The following ZBTB20 variants were observed in gnomAD, a reference collection of about 807,000 sequenced individuals.
The protein encoded by ZBTB20 is zinc finger and BTB domain-containing protein 20.
ZBTB20 carries 9 observed loss-of-function variants against 56.9 expected under a neutral mutation model. That is an observed-to-expected ratio of 0.16 (90% confidence interval 0.10 to 0.28). The LOEUF (loss-of-function observed/expected upper bound fraction) is 0.28, where lower values mean the gene tolerates loss of function less well. Ranked by LOEUF, ZBTB20 falls within the 10% of genes least tolerant of loss-of-function variation. The probability of loss-of-function intolerance (pLI) is 1.00; values close to 1 mark genes in which losing one functional copy is unlikely to be tolerated. For missense variants in ZBTB20, 655 were observed against 1,003.0 expected (o/e 0.65, Z 4.69); for synonymous variants, 417 against 420.7 (o/e 0.99, Z 0.11).
At chr3:114,511,268 A>G (rs2045354540) in intron 6 of ZBTB20, among the ~76,000 whole-genome samples, 1 of 152,178 alleles carries the variant, frequency 6.6e-6, no homozygotes. Flanking sequence ...AAATGGAGCC[A>G]GACAAGTTCT....
chr3:115,106,999 T>G (rs2083742315), intron 1 of ZBTB20, among the ~76,000 whole-genome samples: 1 of 152,350 alleles, frequency 6.6e-6, no homozygotes, highest in South Asian at 2.1e-4. Flanking sequence ...AAGGATGATA[T>G]AAACAAGTAA....
chr3:114,832,263 A>G (rs943154330), intron 4 of ZBTB20, among the ~76,000 whole-genome samples: 10 of 152,104 alleles, frequency 6.6e-5, no homozygotes, highest in Non-Finnish European at 1.3e-4. Context: ...ATGGAATACC[A>G]GGTTGATACA....
chr3:114,692,718 A>T (rs2062772620), intron 6 of ZBTB20, among the ~76,000 whole-genome samples: 1 of 152,088 alleles, frequency 6.6e-6, no homozygotes, highest in African/African-American at 2.4e-5. Flanking sequence ...CTTTATCTAT[A>T]CACCCCCAGT....
At chr3:114,464,118 G>A (rs959640552) in intron 7 of ZBTB20, among the ~76,000 whole-genome samples, 2 of 152,032 alleles carry the variant, frequency 1.3e-5, no homozygotes, top group African/African-American at 4.8e-5. Flanking sequence ...CAGTACAGTG[G>A]TTTACAAGTA....
rs149380194 is a variant in ZBTB20 at position 115,124,241 on chromosome 3, A to T, written c.-703+22978T>A. ...GTTAAATTAAGAAATTATGATATCA[A>T]CTTAGAGTCTTAAATATACTGAACT... On this transcript the variant is annotated intron_variant, in intron 1 of 11. Coordinates refer to ENST00000675478, the MANE Select transcript of ZBTB20 (RefSeq NM_001348800.3). Among the ~76,000 whole-genome samples, 417 of 152,324 alleles carry T rather than the reference A, an allele frequency of 2.7e-3. 6 individuals carry two copies. The highest frequency in any genetic ancestry group is 9.5e-3 in the African/African-American group (393 of 41,582).
chr3:114,916,815 T>G (rs1479382674), intron 3 of ZBTB20, among the ~76,000 whole-genome samples: 1 of 152,202 alleles, frequency 6.6e-6, no homozygotes, highest in Non-Finnish European at 1.5e-5. Flanking sequence ...TTAGAATCCT[T>G]TTCCTTATAT....
At chr3:114,574,067 T>C (rs1014605478) in intron 6 of ZBTB20, among the ~76,000 whole-genome samples, 1 of 152,194 alleles carries the variant, frequency 6.6e-6, no homozygotes, top group Non-Finnish European at 1.5e-5. Context: ...TTTTTAGTTG[T>C]GTTATTTTAT....
At chr3:114,469,780 T>A (rs1422739922) in intron 7 of ZBTB20, among the ~76,000 whole-genome samples, 2 of 152,130 alleles carry the variant, frequency 1.3e-5, no homozygotes, top group Non-Finnish European at 2.9e-5. Context: ...ATTCCCTCCC[T>A]CTCTTATCAT....
At chr3:114,796,471 C>T (rs968675233) in intron 5 of ZBTB20, among the ~76,000 whole-genome samples, 8 of 151,948 alleles carry the variant, frequency 5.3e-5, no homozygotes, top group South Asian at 2.1e-4. Flanking sequence ...TGAACAAAGG[C>T]GACATAATCT....
At chr3:114,468,770 C>T (rs748857721) in intron 7 of ZBTB20, among the ~76,000 whole-genome samples, 5 of 151,782 alleles carry the variant, frequency 3.3e-5, no homozygotes, top group East Asian at 1.9e-4. Context: ...ATACCACAAG[C>T]GAGGAAACTT....
At chr3:115,048,799 T>G (rs2081430382) in intron 2 of ZBTB20, among the ~76,000 whole-genome samples, 1 of 152,222 alleles carries the variant, frequency 6.6e-6, no homozygotes, top group Non-Finnish European at 1.5e-5. Flanking sequence ...ATTGAGCATT[T>G]ATTTAGCACT....
chr3:114,370,538 T>A (rs2082883767), intron 10 of ZBTB20, among the ~76,000 whole-genome samples: 1 of 152,192 alleles, frequency 6.6e-6, no homozygotes, highest in African/African-American at 2.4e-5. Context: ...TTTTCTCCTA[T>A]CCCTTAGAAC....
At chr3:114,764,247 CTCTCTT>C (rs1411786134) in intron 5 of ZBTB20, among the ~76,000 whole-genome samples, 4 of 91,846 alleles carry the variant, frequency 4.4e-5, no homozygotes, top group African/African-American at 1.6e-4. Context: ...CTCTCTCTCT[CTCTCTT>C]TTTTTTTTTT....
chr3:114,449,291 G>C (rs1222857920), intron 7 of ZBTB20, among the ~76,000 whole-genome samples: 1 of 152,084 alleles, frequency 6.6e-6, no homozygotes, highest in Non-Finnish European at 1.5e-5. Flanking sequence ...ATAACTATGA[G>C]AAATTTCACC....
chr3:114,865,558 A>T (rs1204620317), intron 4 of ZBTB20, among the ~76,000 whole-genome samples: 1 of 152,118 alleles, frequency 6.6e-6, no homozygotes, highest in Non-Finnish European at 1.5e-5. Flanking sequence ...TTTGAACTTC[A>T]TTTTGAAGAC....
At chr3:114,714,603 T>G (rs962203143) in intron 5 of ZBTB20, among the ~76,000 whole-genome samples, 1 of 151,924 alleles carries the variant, frequency 6.6e-6, no homozygotes, top group African/African-American at 2.4e-5. Context: ...TTCTTCTTCA[T>G]CATCTTCTTT....
intron 6 of ZBTB20, among the ~76,000 whole-genome samples, chr3:114,588,838 A>C (rs958594957): frequency 6.6e-6 from 1 of 152,178 alleles, no homozygotes; most frequent in Non-Finnish European, 1.5e-5. Context: ...TGCTATGAAG[A>C]AATACCCAAG....
rs74422444 is a variant in ZBTB20 at position 114,469,631 on chromosome 3, A to T, written c.-255+30721T>A. On this transcript the variant is annotated intron_variant, in intron 7 of 11. Coordinates refer to ENST00000675478, the MANE Select transcript of ZBTB20 (RefSeq NM_001348800.3). ...CAGATTTTGGTTTTTAAATCTGTAG[A>T]ACACAATGTTTCCCTGGGCTGAGTT... is the stretch of plus-strand genomic sequence containing the variant. Among the ~76,000 whole-genome samples, 215 of 151,082 alleles carry T rather than the reference A, an allele frequency of 1.4e-3. No homozygotes were observed. In the East Asian group the frequency reaches 0.019, roughly 14 times the overall value.
intron 6 of ZBTB20, among the ~76,000 whole-genome samples, chr3:114,668,213 A>G (rs1452629276): frequency 1.3e-5 from 2 of 152,040 alleles, no homozygotes; most frequent in African/African-American, 4.8e-5. Flanking sequence ...AAGGACCTTA[A>G]AAGATGACTG....
Sources: gnomAD v4.1 joint callset for allele counts (sites outside exome capture counted in the v4.1 genomes callset) on GRCh38, gnomAD v4.1.1 for gene constraint, MANE v1.5 for transcripts, NCBI Gene and HGNC (gene_info 2026-07-23, HGNC 2026-07-21) for gene names.